The following TXNDC17 variants were observed in gnomAD, a reference collection of about 807,000 sequenced individuals.
The protein encoded by TXNDC17 is thioredoxin domain-containing protein 17.
A neutral mutation model predicts 16.3 loss-of-function variants in TXNDC17; 12 were observed. The ratio of observed to expected loss-of-function variants is 0.74; its 90% confidence interval spans 0.47 to 1.19. The LOEUF is 1.19. TXNDC17 is among the 50% of genes most tolerant of loss of function. The pLI, the probability that TXNDC17 is intolerant of heterozygous loss-of-function variation, is 0.00. For synonymous variants in TXNDC17, 62 were observed against 55.0 expected, an observed-to-expected ratio of 1.13 and a Z score of -0.56; for missense variants, 158 against 149.7, an observed-to-expected ratio of 1.06 and a Z score of -0.29.
chr17:6,642,275 G>GA lies in TXNDC17; in HGVS notation c.260dup (p.Asn87LysfsTer12), dbSNP rs753600817. Reference sequence around the variant, plus strand: ...TGGAAAGATCCAAATAATGACTTCAGAAAAAACTTGAAAGTAACAGCAGTG... The same window carrying GA: ...TGGAAAGATCCAAATAATGACTTCAGAAAAAAACTTGAAAGTAACAGCAGTG... On this transcript the variant is annotated frameshift_variant, in exon 3 of 4. Transcript: ENST00000250101. LOFTEE classifies it high-confidence loss of function. 4 of 1,610,776 alleles carry GA rather than the reference G, an allele frequency of 2.5e-6. No homozygotes were observed. The highest frequency in any genetic ancestry group is 1.1e-5 in the South Asian group (1 of 90,146).
Position 6,643,813 on chromosome 17 carries a change from A to C in TXNDC17, c.*794A>C, listed in dbSNP as rs903473611. 18 of 294,654 alleles carry C rather than the reference A, an allele frequency of 6.1e-5. No individual in the cohort carries two copies. The highest frequency in any genetic ancestry group is 3.9e-4 in the African/African-American group (18 of 46,370). 18.3% of individuals were successfully genotyped at this position (294,654 alleles called of 1,614,324 possible). Reference sequence around the variant, plus strand: ...ATGGTAGCTTTCCCAAATGAACACAAGTATTTGAGGCTCCTCATGTTTGTT... The same window carrying C: ...ATGGTAGCTTTCCCAAATGAACACACGTATTTGAGGCTCCTCATGTTTGTT... On this transcript the variant is annotated 3_prime_UTR_variant, in exon 4 of 4. Transcript: ENST00000250101.
rs1597631255 is a variant in TXNDC17 at position 6,644,043 on chromosome 17, A to C, written c.*1024A>C. 2.5e-6 allele frequency: 1 copy of C among 401,670 alleles called. No homozygotes were observed. Among genetic ancestry groups the C allele is most frequent in the African/African-American group, 2.1e-5 (1 of 48,624 alleles). The allele number at this position is 401,670 out of a possible 1,614,324, so 24.9% of individuals were successfully genotyped here. A position where few individuals can be genotyped will look rare whatever the true frequency, so the allele number is the denominator to read the frequency against. On this transcript the variant is annotated 3_prime_UTR_variant, in exon 4 of 4. Coordinates refer to ENST00000250101, the MANE Select transcript of TXNDC17 (RefSeq NM_032731.4). ...TCAGTGACTCCGCTACTCTCACTAC[A>C]TCTTAGAGTAGAGTGGTAGAGTAGT...
chr17:6,641,408 T>C (rs1972662739), intron 1 of TXNDC17, 181 bp downstream of exon 1: 2 of 832,836 alleles, frequency 2.4e-6, no homozygotes, highest in South Asian at 1.8e-5. Flanking sequence ...GCTCTTCCTT[T>C]TACCACCTTA....
intron 3 of TXNDC17, 22 bp downstream of exon 3, chr17:6,642,346 G>A (rs1597629674): frequency 1.3e-6 from 2 of 1,504,018 alleles, no homozygotes; most frequent in Non-Finnish European, 1.8e-6. Flanking sequence ...TAAATATGCT[G>A]GGCCTGTAAT....
In TXNDC17 at chr17:6,644,471, T is replaced by G. The variant is rs965032031; in HGVS notation, c.*1452T>G. The G allele has an allele frequency of 2.5e-6, 4 of 1,591,944 alleles. No individual in the cohort carries two copies. The highest frequency in any genetic ancestry group is 3.4e-6 in the Non-Finnish European group (4 of 1,170,584). ...GCCTCGTTTGTATCCAGTTTTTCAT[T>G]TTCCCGATGTGTTATTTTGCTGTTG... On this transcript the variant is annotated 3_prime_UTR_variant, in exon 4 of 4. Coordinates refer to ENST00000250101, the MANE Select transcript of TXNDC17 (RefSeq NM_032731.4).
chr17:6,642,005 G>GTTA, intron 2 of TXNDC17, 171 bp downstream of exon 2: 3 of 719,930 alleles, frequency 4.2e-6, no homozygotes, highest in Non-Finnish European at 7.1e-6. Context: ...ATTAAGTAAG[G>GTTA]GTAATTCAAC....
rs776602142 is a variant in TXNDC17 at position 6,641,796 on chromosome 17, A to G, written c.189A>G (p.Gly63=). The change falls in exon 2 of 4, where the codon GGA becomes GGG. Residue 63 remains glycine (G), a synonymous_variant. Coordinates refer to ENST00000250101, the MANE Select transcript of TXNDC17 (RefSeq NM_032731.4). ...VREGLKHISE[G]CVFIYCQVGE... ...AGGGGCTGAAGCACATTAGTGAAGG[A>G]TGTGTGTTCATCTACTGCCAAGTAG... 6.2e-7 allele frequency: 1 copy of G among 1,614,014 alleles called. No homozygotes were observed. Among genetic ancestry groups the G allele is most frequent in the Non-Finnish European group, 8.5e-7 (1 of 1,180,016 alleles).
At position 6,642,343 on chromosome 17, in the gene TXNDC17, G is replaced by T. The variant is rs369340063; in HGVS notation, c.303+19G>T. ...TGGAACAGTAAGTATCTTTAAATAT[G>T]CTGGGCCTGTAATTCACTGTCAGAA... is the stretch of plus-strand genomic sequence containing the variant. On this transcript the variant is annotated intron_variant, in intron 3 of 3. Transcript: ENST00000250101. 6.6e-7 allele frequency: 1 copy of T among 1,518,628 alleles called. No homozygotes were observed. Among genetic ancestry groups the T allele is most frequent in the Non-Finnish European group, 9.0e-7 (1 of 1,106,892 alleles). The allele number at this position is 1,518,628 out of a possible 1,614,324, so 94.1% of individuals were successfully genotyped here.
chr17:6,641,367 C>T, intron 1 of TXNDC17, 140 bp downstream of exon 1: 2 of 1,227,776 alleles, frequency 1.6e-6, no homozygotes, highest in Non-Finnish European at 1.1e-6. Context: ...AAGTCTCCTT[C>T]TATTAAATCC....
chr17:6,642,215 AT>A, intron 2 of TXNDC17, 33 bp from the exon 3 acceptor site: 2 of 1,490,284 alleles, frequency 1.3e-6, no homozygotes, highest in Non-Finnish European at 1.9e-6. Context: ...AACCAAGTAA[AT>A]TTTTTTCATG....
At chr17:6,641,663 C>T in intron 1 of TXNDC17, 90 bp from the exon 2 acceptor site, 1 of 1,289,954 alleles carries the variant, frequency 7.8e-7, no homozygotes. Flanking sequence ...GAGTGCTTAC[C>T]AAGACTGGGG....
Position 6,643,106 on chromosome 17 carries a change from T to C in TXNDC17, c.*87T>C. The stretch of plus-strand genomic sequence containing the variant: ...ACTTGCTTTGAATTCATGTTAGCAA[T>C]AAATGATGTTAAAAAAACTGGCATG... On this transcript the variant is annotated 3_prime_UTR_variant, in exon 4 of 4. Transcript: ENST00000250101. The C allele has an allele frequency of 8.2e-7, 1 of 1,212,710 alleles. No individual in the cohort carries two copies. The highest frequency in any genetic ancestry group is 1.2e-6 in the Non-Finnish European group (1 of 829,352). 75.1% of individuals were successfully genotyped at this position (1,212,710 alleles called of 1,614,324 possible). A position where few individuals can be genotyped will look rare whatever the true frequency, so the allele number is the denominator to read the frequency against.
chr17:6,642,693 C>T, intron 3 of TXNDC17: 1 of 501,608 alleles, frequency 2.0e-6, no homozygotes, highest in Non-Finnish European at 3.5e-6. Context: ...AAGAAGAGGG[C>T]ACTGGGCTTG....
Position 6,644,031 on chromosome 17 carries a change from T to A in TXNDC17, c.*1012T>A. 2.5e-6 allele frequency: 1 copy of A among 400,912 alleles called. No homozygotes were observed. The highest frequency in any genetic ancestry group is 3.6e-5 in the East Asian group (1 of 28,136). The allele number at this position is 400,912 out of a possible 1,614,324, so 24.8% of individuals were successfully genotyped here. A position where few individuals can be genotyped will look rare whatever the true frequency, so the allele number is the denominator to read the frequency against. ...GATTTAAAGAGGTCAGTGACTCCGC[T>A]ACTCTCACTACATCTTAGAGTAGAG... is the stretch of plus-strand genomic sequence containing the variant. On this transcript the variant is annotated 3_prime_UTR_variant, in exon 4 of 4. Coordinates refer to ENST00000250101, the MANE Select transcript of TXNDC17 (RefSeq NM_032731.4).
In TXNDC17 at chr17:6,643,162, C is replaced by A; in HGVS notation, c.*143C>A. On this transcript the variant is annotated 3_prime_UTR_variant, in exon 4 of 4. Transcript: ENST00000250101. ...AAACAATAGAGTGCTATTAAAATGC[C>A]CATGAACCTTTAGTTTGCCTGTAAT... is the stretch of plus-strand genomic sequence containing the variant. 3 of 644,990 alleles carry A rather than the reference C, an allele frequency of 4.7e-6. No individual in the cohort carries two copies. Among genetic ancestry groups the A allele is most frequent in the Non-Finnish European group, 8.0e-6 (3 of 375,960 alleles). 40.0% of individuals were successfully genotyped at this position (644,990 alleles called of 1,614,324 possible). A position where few individuals can be genotyped will look rare whatever the true frequency, so the allele number is the denominator to read the frequency against.
rs1972716548 is a variant in TXNDC17, at chr17:6,643,086, C to T, written c.*67C>T. 3.0e-6 allele frequency: 4 copies of T among 1,349,960 alleles called. No homozygotes were observed. In the Admixed American group the frequency reaches 6.9e-5, roughly 23 times the overall value. 83.6% of individuals were successfully genotyped at this position (1,349,960 alleles called of 1,614,324 possible). ...CTAGTATCAATAAACTGTATACTTG[C>T]TTTGAATTCATGTTAGCAATAAATG... On this transcript the variant is annotated 3_prime_UTR_variant, in exon 4 of 4. Transcript: ENST00000250101.
intron 3 of TXNDC17, 71 bp downstream of exon 3, chr17:6,642,395 T>C (rs182257056): frequency 7.1e-5 from 77 of 1,078,316 alleles, no homozygotes; most frequent in Admixed American, 1.1e-4. Flanking sequence ...TGGATCCAGA[T>C]TTGAAAAGAT....
intron 3 of TXNDC17, 139 bp downstream of exon 3, chr17:6,642,463 A>G: frequency 1.6e-6 from 1 of 609,608 alleles, no homozygotes; most frequent in Non-Finnish European, 2.9e-6. Context: ...GTCCATTCCT[A>G]TGGCCAATCC....
chr17:6,641,724 C>A, intron 1 of TXNDC17, 29 bp from the exon 2 acceptor site: 2 of 1,605,226 alleles, frequency 1.2e-6, no homozygotes, highest in Non-Finnish European at 1.7e-6. Flanking sequence ...AGTTGACGTG[C>A]GATTATTTTA....
Sources: gnomAD v4.1 joint callset for allele counts on GRCh38, gnomAD v4.1.1 for gene constraint, MANE v1.5 for transcripts, NCBI Gene and HGNC (gene_info 2026-07-23, HGNC 2026-07-21) for gene names.